PATJ: variants seen among roughly 807,000 people sequenced by gnomAD.
PATJ encodes PATJ crumbs cell polarity complex component.
A neutral mutation model predicts 224.9 loss-of-function variants in PATJ; 190 were observed. The observed-to-expected ratio is 0.84, with a 90% confidence interval of 0.75 to 0.95. The LOEUF (loss-of-function observed/expected upper bound fraction) is 0.95. Ranked by LOEUF, PATJ falls within the 40% of genes least tolerant of loss-of-function variation. The probability of loss-of-function intolerance (pLI) is 0.00; values close to 1 mark genes in which losing one functional copy is unlikely to be tolerated. For synonymous variants in PATJ, 769 were observed against 820.3 expected, an observed-to-expected ratio of 0.94 and a Z score of 1.07; for missense variants, 2,121 against 2,270.3, an observed-to-expected ratio of 0.93 and a Z score of 1.34.
intron 34 of PATJ, among the ~76,000 whole-genome samples, chr1:62,111,805 C>T (rs1185469553): frequency 2.6e-5 from 4 of 151,934 alleles, no homozygotes; most frequent in African/African-American, 9.7e-5. Context: ...GGATTATGGG[C>T]GCCTGCCACC....
At chr1:61,786,663 A>G (rs1446425768) in intron 7 of PATJ, among the ~76,000 whole-genome samples, 1 of 152,054 alleles carries the variant, frequency 6.6e-6, no homozygotes, top group African/African-American at 2.4e-5. Flanking sequence ...CAGCCCATAT[A>G]GAAGCTATCT....
intron 27 of PATJ, among the ~76,000 whole-genome samples, chr1:61,946,503 CAA>C (rs1345693128): frequency 6.6e-6 from 1 of 152,108 alleles, no homozygotes; most frequent in Non-Finnish European, 1.5e-5. Context: ...TACACCCTCC[CAA>C]GACTAAACCA....
intron 26 of PATJ, among the ~76,000 whole-genome samples, chr1:61,922,456 A>C (rs1370861875): frequency 2.6e-5 from 4 of 152,194 alleles, no homozygotes; most frequent in Admixed American, 6.5e-5. Flanking sequence ...CATCTGTTGC[A>C]TTATTACTCT....
chr1:62,079,367 T>C lies in PATJ; in HGVS notation c.4126-83T>C, dbSNP rs903690276. On this transcript the variant is annotated intron_variant, in intron 31 of 43. Transcript: ENST00000642238. ...ACATCATTGGACTGCACCATTGTTT[T>C]GGTAACAATACACCAGTTTTAAAGT... 39 of 812,492 alleles carry C rather than the reference T, an allele frequency of 4.8e-5. 1 individual carries two copies. The Admixed American group carries it at 6.5e-4, about 14-fold the overall frequency. The allele number at this position is 812,492 out of a possible 1,614,324, so 50.3% of individuals were successfully genotyped here. A position where few individuals can be genotyped will look rare whatever the true frequency, so the allele number is the denominator to read the frequency against.
At chr1:61,955,665 A>C (rs1680340234) in intron 27 of PATJ, among the ~76,000 whole-genome samples, 1 of 152,186 alleles carries the variant, frequency 6.6e-6, no homozygotes, top group African/African-American at 2.4e-5. Context: ...TACTTTTTTG[A>C]ATACTTAGGT....
At chr1:61,806,622 A>G (rs1315591184) in intron 13 of PATJ, among the ~76,000 whole-genome samples, 1 of 151,308 alleles carries the variant, frequency 6.6e-6, no homozygotes, top group East Asian at 1.9e-4. Context: ...CCGCCTCAAA[A>G]AAAAAAAAAA....
chr1:62,125,245 AAAAAAAAAC>A (rs1390488320), intron 39 of PATJ, among the ~76,000 whole-genome samples: 9 of 104,294 alleles, frequency 8.6e-5, no homozygotes, highest in African/African-American at 1.8e-4. Context: ...TCAAAAAAAA[AAAAAAAAAC>A]AAAAAAAAAC....
chr1:62,000,489 G>T (rs1396264145), intron 28 of PATJ, among the ~76,000 whole-genome samples: 1 of 151,526 alleles, frequency 6.6e-6, no homozygotes, highest in Non-Finnish European at 1.5e-5. Context: ...AGAATGATGA[G>T]TTCCAATTTC....
intron 33 of PATJ, among the ~76,000 whole-genome samples, chr1:62,106,218 C>T (rs571807662): frequency 5.6e-5 from 6 of 107,106 alleles, no homozygotes; most frequent in South Asian, 7.7e-4. Flanking sequence ...ACCTGTAATT[C>T]CAGCACTTTG....
At chr1:61,780,067 A>G (rs1396111739) in intron 7 of PATJ, among the ~76,000 whole-genome samples, 7 of 152,126 alleles carry the variant, frequency 4.6e-5, no homozygotes, top group African/African-American at 1.7e-4. Context: ...ACCTCAAACA[A>G]TGGGGATGAG....
chr1:62,033,071 A>C (rs960956509), intron 29 of PATJ, among the ~76,000 whole-genome samples: 2 of 152,162 alleles, frequency 1.3e-5, no homozygotes, highest in African/African-American at 2.4e-5. Context: ...ACTACGATTC[A>C]AGATGAGATT....
chr1:61,948,765 G>T (rs183889633), intron 27 of PATJ, among the ~76,000 whole-genome samples: 2 of 152,026 alleles, frequency 1.3e-5, no homozygotes, highest in South Asian at 2.1e-4. Flanking sequence ...ACTTGTACAC[G>T]TATGTTTATT....
intron 27 of PATJ, among the ~76,000 whole-genome samples, chr1:61,966,665 G>A (rs893929153): frequency 2.9e-5 from 4 of 137,086 alleles, no homozygotes; most frequent in South Asian, 2.3e-4. Context: ...CAGCCTGGGC[G>A]ACAAGAGCGA....
intron 3 of PATJ, among the ~76,000 whole-genome samples, chr1:61,765,192 AT>A (rs562386003): frequency 1.0e-3 from 144 of 141,200 alleles, no homozygotes; most frequent in Non-Finnish European, 1.7e-3. Flanking sequence ...CTCCCACTTC[AT>A]CCTCCCAAGT....
chr1:62,014,558 T>C (rs1379964753), intron 28 of PATJ, among the ~76,000 whole-genome samples: 2 of 129,352 alleles, frequency 1.5e-5, no homozygotes, highest in Non-Finnish European at 3.1e-5. Context: ...ATTTCTTTTC[T>C]TTCCTTTTTT....
At chr1:62,104,255 A>C (rs556623686) in intron 33 of PATJ, among the ~76,000 whole-genome samples, 33 of 152,294 alleles carry the variant, frequency 2.2e-4, no homozygotes, top group African/African-American at 7.5e-4. Flanking sequence ...ATCAACACCA[A>C]ATTTTTAATT....
chr1:61,757,458 C>T (rs1383241300), intron 1 of PATJ, among the ~76,000 whole-genome samples: 2 of 152,072 alleles, frequency 1.3e-5, no homozygotes, highest in Admixed American at 6.6e-5. Flanking sequence ...TATCTCGGCT[C>T]ACTGCAGCCT....
At chr1:62,085,909 C>T (rs140430882) in intron 33 of PATJ, among the ~76,000 whole-genome samples, 1 of 150,432 alleles carries the variant, frequency 6.6e-6, no homozygotes, top group African/African-American at 2.4e-5. Flanking sequence ...TTCATATCTA[C>T]TCATAATTTT....
chr1:62,158,704 G>T (rs1331062357), intron 43 of PATJ, among the ~76,000 whole-genome samples: 2 of 126,482 alleles, frequency 1.6e-5, no homozygotes, highest in African/African-American at 6.1e-5. Context: ...CTGGGCGACA[G>T]AGCGAGACTC....
Sources: gnomAD v4.1 joint callset for allele counts (sites outside exome capture counted in the v4.1 genomes callset) on GRCh38, gnomAD v4.1.1 for gene constraint, MANE v1.5 for transcripts, NCBI Gene and HGNC (gene_info 2026-07-23, HGNC 2026-07-21) for gene names.